The following FBN2 variants were observed in gnomAD, a reference collection of about 807,000 sequenced individuals.
FBN2 encodes fibrillin 2, also known as fibrillin-2.
In FBN2, 105 loss-of-function variants were observed where a neutral mutation model predicts 355.6. The ratio of observed to expected loss-of-function variants is 0.30; its 90% confidence interval spans 0.25 to 0.35. The LOEUF (loss-of-function observed/expected upper bound fraction) is 0.35. FBN2 is among the 10% of genes least tolerant of loss of function. The probability of loss-of-function intolerance (pLI) is 1.00; values close to 1 mark genes in which losing one functional copy is unlikely to be tolerated. For missense variants in FBN2, 3,280 were observed against 3,758.7 expected (o/e 0.87, Z 3.33); for synonymous variants, 1,350 against 1,301.2 (o/e 1.04, Z -0.81).
intron 7 of FBN2, chr5:128,442,317 G>A (rs1413028725): frequency 8.8e-6 from 4 of 456,622 alleles, no homozygotes; most frequent in South Asian, 3.1e-5. Flanking sequence ...GGTATAGTCT[G>A]GAAGGGAGGA....
chr5:128,422,800 G>C (rs1226328370), intron 7 of FBN2, among the ~76,000 whole-genome samples: 2 of 152,158 alleles, frequency 1.3e-5, no homozygotes, highest in African/African-American at 4.8e-5. Context: ...GAATCACATG[G>C]ACAGCTTATT....
intron 10 of FBN2, 56 bp from the exon 11 acceptor site, chr5:128,392,211 T>G: frequency 6.7e-7 from 1 of 1,497,688 alleles, no homozygotes. Context: ...ATTACTTTTC[T>G]GAATTGATTT....
chr5:128,426,468 T>C (rs1192861975), intron 7 of FBN2, among the ~76,000 whole-genome samples: 1 of 152,234 alleles, frequency 6.6e-6, no homozygotes, highest in Middle Eastern at 3.4e-3. Flanking sequence ...GGTAAATGGG[T>C]ATTTGAAACT....
chr5:128,369,323 G>A lies in FBN2; in HGVS notation c.2107C>T (p.Arg703Cys), dbSNP rs748861935. Residue 703 changes from arginine to cysteine, a missense_variant, in exon 16 of 65, where the codon CGC becomes TGC. Physicochemically the swap from Arg to Cys is radical, Grantham distance 180 (BLOSUM62 -3). Coordinates refer to ENST00000262464, the MANE Select transcript of FBN2 (RefSeq NM_001999.4). ...DGRVCVDTHM[R>C]STCYGGIKKG... ...TTGATTCCTCCATAGCAGGTACTGC[G>A]CATGTGAGTATCTAAAGGAGATACA... 6.8e-6 allele frequency: 11 copies of A among 1,614,038 alleles called. No homozygotes were observed. Among genetic ancestry groups the A allele is most frequent in the Non-Finnish European group, 7.6e-6 (9 of 1,179,978 alleles).
At chr5:128,407,601 A>T (rs1561441672) in intron 8 of FBN2, among the ~76,000 whole-genome samples, 2 of 152,148 alleles carry the variant, frequency 1.3e-5, no homozygotes, top group African/African-American at 4.8e-5. Context: ...GTAGGCTTCT[A>T]CTGTTATTTA....
At chr5:128,482,262 C>T (rs1363104541) in intron 5 of FBN2, among the ~76,000 whole-genome samples, 5 of 151,832 alleles carry the variant, frequency 3.3e-5, no homozygotes, top group African/African-American at 1.2e-4. Flanking sequence ...GTGGGAGAAA[C>T]TGATGCAAAG....
At chr5:128,388,309 C>T (rs1752420724) in intron 11 of FBN2, among the ~76,000 whole-genome samples, 1 of 152,086 alleles carries the variant, frequency 6.6e-6, no homozygotes, top group South Asian at 2.1e-4. Flanking sequence ...CCACCCTGTG[C>T]CTTTTCAGTG....
chr5:128,480,981 C>T (rs560599692), intron 5 of FBN2, among the ~76,000 whole-genome samples: 9 of 152,184 alleles, frequency 5.9e-5, no homozygotes, highest in Non-Finnish European at 1.2e-4. Flanking sequence ...CAAGAAACCA[C>T]TTAAATGGAT....
chr5:128,277,843 C>T (rs1765433406), intron 58 of FBN2, 37 bp downstream of exon 58: 3 of 1,612,504 alleles, frequency 1.9e-6, no homozygotes, highest in Non-Finnish European at 2.5e-6. Context: ...AGCTGATTAG[C>T]CCCCAAACCC....
At chr5:128,493,426 C>T (rs929485900) in intron 5 of FBN2, among the ~76,000 whole-genome samples, 6 of 152,124 alleles carry the variant, frequency 3.9e-5, no homozygotes, top group Non-Finnish European at 8.8e-5. Flanking sequence ...TAACAGTTAT[C>T]GAGCACTCAG....
intron 7 of FBN2, among the ~76,000 whole-genome samples, chr5:128,410,262 T>A (rs10063393): frequency 0.12 from 18,631 of 152,120 alleles, 1,463 homozygotes; most frequent in African/African-American, 0.22. Flanking sequence ...CAAAATTAGG[T>A]CCTGTTGCAT....
At chr5:128,373,039 G>T (rs1329015511) in intron 15 of FBN2, among the ~76,000 whole-genome samples, 2 of 152,150 alleles carry the variant, frequency 1.3e-5, no homozygotes, top group African/African-American at 4.8e-5. Flanking sequence ...ATACACATGA[G>T]AAATAATGTT....
chr5:128,344,769 T>TG (rs1286540574), intron 24 of FBN2, among the ~76,000 whole-genome samples: 1 of 151,904 alleles, frequency 6.6e-6, no homozygotes, highest in Non-Finnish European at 1.5e-5. Context: ...GGCACAATCT[T>TG]GGCTCACTGC....
chr5:128,468,028 T>C (rs985641527), intron 5 of FBN2, among the ~76,000 whole-genome samples: 3 of 152,188 alleles, frequency 2.0e-5, no homozygotes, highest in African/African-American at 7.2e-5. Context: ...TTTAGTAAAT[T>C]TATTGAATTA....
At chr5:128,306,804 C>G (rs1413841908) in intron 42 of FBN2, among the ~76,000 whole-genome samples, 3 of 152,060 alleles carry the variant, frequency 2.0e-5, no homozygotes, top group Admixed American at 6.5e-5. Context: ...AAGAAAATAG[C>G]AACTAAAGGT....
intron 62 of FBN2, among the ~76,000 whole-genome samples, chr5:128,265,130 A>G (rs916928883): frequency 6.6e-5 from 10 of 152,196 alleles, no homozygotes; most frequent in African/African-American, 2.4e-4. Context: ...AGATGTAACT[A>G]TAACTGCTAT....
In FBN2 at chr5:128,345,753, T is replaced by A. The variant is rs151118054; in HGVS notation, c.2990-169A>T. ...AATGGACTCCATAATGACAGTCATT[T>A]AAGGAGAACAAAGGTGAGATCCTCT... On this transcript the variant is annotated intron_variant, in intron 23 of 64. Transcript: ENST00000262464. Among the ~76,000 whole-genome samples the A allele has an allele frequency of 1.7e-3, 255 of 152,334 alleles. 2 individuals carry two copies. The highest frequency in any genetic ancestry group is 6.0e-3 in the African/African-American group (248 of 41,588).
intron 7 of FBN2, among the ~76,000 whole-genome samples, chr5:128,420,246 T>G (rs1753311861): frequency 6.6e-6 from 1 of 152,214 alleles, no homozygotes; most frequent in Admixed American, 6.5e-5. Flanking sequence ...TTTTCTAATT[T>G]AATATGAACC....
At chr5:128,479,974 CTCTATATATATATATATATA>C (rs1415081186) in intron 5 of FBN2, among the ~76,000 whole-genome samples, 223 of 17,190 alleles carry the variant, frequency 0.013, no homozygotes, top group South Asian at 0.018. Flanking sequence ...CTCTCTCTCT[CTCTATATATATATATATATA>C]TATATATATA....
Sources: allele counts gnomAD v4.1 joint callset (sites outside exome capture counted in the v4.1 genomes callset), GRCh38; gene constraint gnomAD v4.1.1; transcripts MANE v1.5; gene names NCBI Gene and HGNC (gene_info 2026-07-23, HGNC 2026-07-21).